MROH7: variants seen among roughly 807,000 people sequenced by gnomAD.
MROH7 encodes maestro heat-like repeat-containing protein family member 7.
Under a neutral mutation model 129.2 loss-of-function variants are expected in MROH7, and 113 were observed. The ratio of observed to expected loss-of-function variants is 0.87; its 90% CI spans 0.75 to 1.02. MROH7 has a LOEUF of 1.02. Ranked by LOEUF, MROH7 falls within the 50% of genes least tolerant of loss-of-function variation. MROH7 has a pLI of 0.00. For missense variants in MROH7, 1,601 were observed against 1,671.3 expected, an observed-to-expected ratio of 0.96 and a Z score of 0.73; for synonymous variants, 655 against 667.9, an observed-to-expected ratio of 0.98 and a Z score of 0.30.
intron 6 of MROH7, 46 bp downstream of exon 6, chr1:54,670,622 C>T (rs1644882649): frequency 6.4e-7 from 1 of 1,562,522 alleles, no homozygotes; most frequent in Non-Finnish European, 8.7e-7. Context: ...CTCCTCTCTT[C>T]CTCCACTTCT....
chr1:54,663,788 G>T (rs113803862), intron 3 of MROH7: 8 of 454,168 alleles, frequency 1.8e-5, no homozygotes, highest in African/African-American at 1.4e-4. Flanking sequence ...GACTTTCCCT[G>T]CTTGAGTCCT....
In MROH7 at chr1:54,699,109, TC is replaced by T. The variant is rs1557726780; in HGVS notation, c.2965-1211del. ...TTGCCTGGCCTTTTCTTTCTTTCTT[TC>T]TTTCTTTCTTTCTTTCTTTCTTTCT... On this transcript the variant is annotated intron_variant, in intron 17 of 23. Transcript: ENST00000421030. The T allele has an allele frequency of 6.2e-3, 463 of 74,966 alleles. 19 individuals are homozygous for T. The highest frequency in any genetic ancestry group is 0.011 in the African/African-American group (224 of 20,498). 4.6% of individuals were successfully genotyped at this position (74,966 alleles called of 1,614,324 possible).
chr1:54,670,102 A>G (rs1644873504), intron 5 of MROH7, among the ~76,000 whole-genome samples: 1 of 152,114 alleles, frequency 6.6e-6, no homozygotes, highest in Non-Finnish European at 1.5e-5. Flanking sequence ...AACATTTTAA[A>G]GGAATGCAAC....
chr1:54,691,803 A>AGTGTGTGTGTGTGT lies in MROH7; in HGVS notation c.2712-600_2712-587dup, dbSNP rs373106798. ...CCTGGCGACAAAAAAAAAAAAAAAAAGTGTGTGTGTGTGTGTGTGTGTGTG... is the reference window on the plus strand; with the variant it reads ...CCTGGCGACAAAAAAAAAAAAAAAAAGTGTGTGTGTGTGTGTGTGTGTGTGTGTGTGTGTGTGTG... On this transcript the variant is annotated intron_variant, in intron 15 of 23. Transcript: ENST00000421030. 2.5e-3 allele frequency among the ~76,000 whole-genome samples: 263 copies of AGTGTGTGTGTGTGT among 104,184 alleles called. 2 individuals are homozygous for AGTGTGTGTGTGTGT. The East Asian group carries it at 0.04, about 16-fold the overall frequency. The allele number at this position is 104,184 out of a possible 152,430, so 68.3% of individuals were successfully genotyped here.
At chr1:54,649,444 T>C (rs17110873) in intron 1 of MROH7, among the ~76,000 whole-genome samples, 4,501 of 152,314 alleles carry the variant, frequency 0.03, 223 homozygotes, top group African/African-American at 0.1. Flanking sequence ...TAATGCACAG[T>C]GTCTGTTTGG....
rs570641425 is a variant in MROH7, at chr1:54,679,784, C to A, written c.2227-107C>A. The stretch of plus-strand genomic sequence containing the variant: ...CTCTCTCTCTCCTTTGGGCCTTCTC[C>A]CCTGTCCTCTAGCCTGTCACCCCCT... On this transcript the variant is annotated intron_variant, in intron 12 of 23. Coordinates refer to ENST00000421030, the MANE Select transcript of MROH7 (RefSeq NM_001039464.4). 9 of 1,128,480 alleles carry A rather than the reference C, an allele frequency of 8.0e-6. No homozygotes were observed. In the South Asian group the frequency reaches 1.3e-4, roughly 16 times the overall value. 69.9% of individuals were successfully genotyped at this position (1,128,480 alleles called of 1,614,324 possible). A position where few individuals can be genotyped will look rare whatever the true frequency, so the allele number is the denominator to read the frequency against.
At chr1:54,652,219 T>C (rs1644569191) in intron 2 of MROH7, among the ~76,000 whole-genome samples, 1 of 151,986 alleles carries the variant, frequency 6.6e-6, no homozygotes, top group Admixed American at 6.6e-5. Context: ...ACTGGCAGAG[T>C]AGTTCTAGCA....
Position 54,659,158 on chromosome 1 carries a change from G to A in MROH7, c.1231+5001G>A, listed in dbSNP as rs111366166. ...TGCCCAGGCTGGAGTGCAATGGTGC[G>A]ATCTCGGCTCACTGCAACCTCTGCC... On this transcript the variant is annotated intron_variant, in intron 3 of 23. Coordinates refer to ENST00000421030, the MANE Select transcript of MROH7 (RefSeq NM_001039464.4). 1,093 of 405,210 alleles carry A rather than the reference G, an allele frequency of 2.7e-3. 8 individuals are homozygous for A. Among genetic ancestry groups the A allele is most frequent in the African/African-American group, 0.014 (622 of 45,824 alleles). 25.1% of individuals were successfully genotyped at this position (405,210 alleles called of 1,614,324 possible). A position where few individuals can be genotyped will look rare whatever the true frequency, so the allele number is the denominator to read the frequency against.
At chr1:54,655,495 C>T (rs1006179889) in intron 3 of MROH7, among the ~76,000 whole-genome samples, 5 of 151,956 alleles carry the variant, frequency 3.3e-5, no homozygotes, top group African/African-American at 4.8e-5. Flanking sequence ...CTCAGCCTCC[C>T]GAGTAGCTAG....
chr1:54,645,658 T>TCTTTC (rs202060590), intron 1 of MROH7, among the ~76,000 whole-genome samples: 16 of 145,448 alleles, frequency 1.1e-4, no homozygotes, highest in Non-Finnish European at 2.3e-4. Context: ...TTTCTTTCTT[T>TCTTTC]TTTTTTTTTT....
Position 54,679,937 on chromosome 1 carries a change from A to T in MROH7, c.2273A>T (p.Gln758Leu), listed in dbSNP as rs1282417864. The T allele has an allele frequency of 6.2e-7, 1 of 1,613,760 alleles. No homozygotes were observed. Among genetic ancestry groups the T allele is most frequent in the East Asian group, 2.2e-5 (1 of 44,870 alleles). Reference protein sequence around the residue: ...QGIYMQLSHIQEPRARQVALL... With the variant: ...QGIYMQLSHILEPRARQVALL... ...ATCTACATGCAGCTGAGCCACATCC[A>T]GGAGCCTCGGGCCCGCCAGGTGGCC... The change falls in exon 13 of 24, where the codon CAG becomes CTG. Residue 758 changes from glutamine (Q) to leucine (L), a missense_variant. By Grantham distance (113) the Gln-to-Leu change is moderately radical. Coordinates refer to ENST00000421030, the MANE Select transcript of MROH7 (RefSeq NM_001039464.4).
At chr1:54,692,772 A>G (rs991253310) in intron 16 of MROH7, among the ~76,000 whole-genome samples, 2 of 152,232 alleles carry the variant, frequency 1.3e-5, no homozygotes, top group African/African-American at 4.8e-5. Context: ...GGTTCCTGGC[A>G]ATTGTGGAGC....
chr1:54,695,566 T>C (rs1645308440), intron 17 of MROH7, 76 bp downstream of exon 17: 2 of 878,724 alleles, frequency 2.3e-6, no homozygotes, highest in South Asian at 1.4e-5. Context: ...ATTTCTCCTA[T>C]GTAAACAGTA....
chr1:54,651,532 T>G (rs937011619), intron 1 of MROH7: 1 of 152,020 alleles, frequency 6.6e-6, no homozygotes, highest in South Asian at 2.1e-4. Flanking sequence ...TCAAAAGAAC[T>G]CTGCAAGGGT....
Position 54,682,786 on chromosome 1 carries a change from CCCCTGGCGGTGAGCA to C in MROH7, c.2516_2520+10del. On this transcript the variant is annotated splice_donor_variant and splice_donor_5th_base_variant and coding_sequence_variant and intron_variant, in exon 14 of 24. Transcript: ENST00000421030. LOFTEE classifies it high-confidence loss of function. ...CAAGGAGGGCCGGGCTTCCATCGTGCCCCTGGCGGTGAGCACCCAGTCAGCCAGCCCCTATTGCTG... is the reference window on the plus strand; with the variant it reads ...CAAGGAGGGCCGGGCTTCCATCGTGCCCCAGTCAGCCAGCCCCTATTGCTG... 6.2e-7 allele frequency: 1 copy of C among 1,611,598 alleles called. No individual in the cohort carries two copies. Among genetic ancestry groups the C allele is most frequent in the East Asian group, 2.2e-5 (1 of 44,870 alleles).
At chr1:54,654,458 G>C (rs966087554) in intron 3 of MROH7, among the ~76,000 whole-genome samples, 1 of 152,114 alleles carries the variant, frequency 6.6e-6, no homozygotes, top group Admixed American at 6.5e-5. Flanking sequence ...GATCGTCTGA[G>C]GTTGGGAGTT....
chr1:54,691,787 A>C (rs1645240443), intron 15 of MROH7, among the ~76,000 whole-genome samples: 1 of 129,476 alleles, frequency 7.7e-6, no homozygotes, highest in Non-Finnish European at 1.6e-5. Flanking sequence ...GCCTGGCGAC[A>C]AAAAAAAAAA....
At chr1:54,669,028 G>A (rs187649261) in intron 5 of MROH7, 91 bp downstream of exon 5, 22 of 927,074 alleles carry the variant, frequency 2.4e-5, no homozygotes, top group Non-Finnish European at 1.7e-6. Flanking sequence ...GGGGTGGGAG[G>A]TTGAGGTAGG....
At chr1:54,646,506 A>C (rs1005879689) in intron 1 of MROH7, among the ~76,000 whole-genome samples, 1 of 152,240 alleles carries the variant, frequency 6.6e-6, no homozygotes, top group African/African-American at 2.4e-5. Context: ...TGAGATGCCT[A>C]GTCAGTCACT....
Sources: allele counts gnomAD v4.1 joint callset (sites outside exome capture counted in the v4.1 genomes callset), GRCh38; gene constraint gnomAD v4.1.1; transcripts MANE v1.5; gene names NCBI Gene and HGNC (gene_info 2026-07-23, HGNC 2026-07-21).